CEP112: variants seen among roughly 807,000 people sequenced by gnomAD.
CEP112 encodes the protein centrosomal protein 112, also known as centrosomal protein of 112 kDa.
CEP112 carries 127 observed loss-of-function variants against 153.0 expected under a neutral mutation model. The ratio of observed to expected loss-of-function variants is 0.83; its 90% CI spans 0.72 to 0.96. The LOEUF (loss-of-function observed/expected upper bound fraction) is 0.96, where lower values mean the gene tolerates loss of function less well. Among genes scored for constraint, CEP112 ranks in the 40% least tolerant of loss-of-function variants. CEP112 has a pLI of 0.00. For synonymous variants in CEP112, 358 were observed against 374.4 expected, an observed-to-expected ratio of 0.96 and a Z score of 0.51; for missense variants, 1,089 against 1,101.2, an observed-to-expected ratio of 0.99 and a Z score of 0.16.
At chr17:65,924,679 C>A (rs2060857751) in intron 19 of CEP112, among the ~76,000 whole-genome samples, 1 of 152,140 alleles carries the variant, frequency 6.6e-6, no homozygotes, top group Admixed American at 6.5e-5. Flanking sequence ...CCTACCTCTA[C>A]AAAATATGCT....
Position 65,773,826 on chromosome 17 carries a change from T to C in CEP112, c.2395-23102A>G, listed in dbSNP as rs111306777. 7.3e-3 allele frequency among the ~76,000 whole-genome samples: 1,113 copies of C among 152,288 alleles called. 15 individuals are homozygous for C. Among genetic ancestry groups the C allele is most frequent in the African/African-American group, 0.025 (1,050 of 41,550 alleles). On this transcript the variant is annotated intron_variant, in intron 21 of 26. Coordinates refer to ENST00000535342, the MANE Select transcript of CEP112 (RefSeq NM_001199165.4). ...GAGGTTGGGCACAGTAGCTCACGAC[T>C]GTAATCCCAGTGCTTTGGGAGGACG...
intron 8 of CEP112, among the ~76,000 whole-genome samples, chr17:66,091,706 T>C (rs922232618): frequency 1.3e-5 from 2 of 151,952 alleles, no homozygotes; most frequent in South Asian, 2.1e-4. Context: ...AAATGAAATA[T>C]AGACTAGAAA....
intron 4 of CEP112, among the ~76,000 whole-genome samples, chr17:66,168,409 ATG>A (rs369199902): frequency 0.18 from 27,071 of 146,842 alleles, 2,633 homozygotes; most frequent in Non-Finnish European, 0.23. Flanking sequence ...ATATGTGTAT[ATG>A]TGTGTGTGTG....
intron 20 of CEP112, among the ~76,000 whole-genome samples, chr17:65,865,513 C>T (rs76442161): frequency 0.055 from 8,332 of 152,274 alleles, 288 homozygotes; most frequent in African/African-American, 0.089. Context: ...CCAAGGCAAC[C>T]TAGTGCACCA....
chr17:65,842,160 ATTT>A (rs2057543967), intron 21 of CEP112, among the ~76,000 whole-genome samples: 1 of 152,088 alleles, frequency 6.6e-6, no homozygotes, highest in African/African-American at 2.4e-5. Context: ...CAGAACTCCA[ATTT>A]TTAATGGTTC....
At chr17:66,183,442 T>C (rs1598515039) in intron 1 of CEP112, 135 bp from the exon 2 acceptor site, 2 of 529,738 alleles carry the variant, frequency 3.8e-6, no homozygotes, top group African/African-American at 1.9e-5. Flanking sequence ...TTAATGCAAC[T>C]CCCATCAAAA....
At chr17:65,767,049 C>CT (rs1182228111) in intron 21 of CEP112, among the ~76,000 whole-genome samples, 4 of 151,968 alleles carry the variant, frequency 2.6e-5, no homozygotes, top group Non-Finnish European at 5.9e-5. Context: ...ACAAAATGGG[C>CT]TATATATAAC....
At chr17:65,677,837 C>T (rs752202074) in intron 24 of CEP112, among the ~76,000 whole-genome samples, 5 of 152,054 alleles carry the variant, frequency 3.3e-5, no homozygotes, top group Non-Finnish European at 5.9e-5. Context: ...AGCTTGAACC[C>T]GGGAGGCAGA....
chr17:66,018,144 C>T (rs1333865878), intron 16 of CEP112, among the ~76,000 whole-genome samples: 1 of 152,060 alleles, frequency 6.6e-6, no homozygotes, highest in Non-Finnish European at 1.5e-5. Flanking sequence ...ATCCTTTCCC[C>T]ACTTTAAATT....
At chr17:65,649,599 G>T (rs1013345322) in intron 24 of CEP112, among the ~76,000 whole-genome samples, 2 of 151,512 alleles carry the variant, frequency 1.3e-5, no homozygotes, top group African/African-American at 4.9e-5. Context: ...TGCATCTGCG[G>T]TCCCAGCTAC....
intron 17 of CEP112, among the ~76,000 whole-genome samples, chr17:65,965,229 G>A (rs1359190455): frequency 6.6e-6 from 1 of 152,168 alleles, no homozygotes; most frequent in African/African-American, 2.4e-5. Flanking sequence ...CTATCCGTCA[G>A]ATAATTAGAG....
intron 24 of CEP112, among the ~76,000 whole-genome samples, chr17:65,668,989 T>C (rs1318461017): frequency 6.6e-6 from 1 of 152,202 alleles, no homozygotes; most frequent in African/African-American, 2.4e-5. Context: ...AAATCTCTAA[T>C]GTGTGACAAT....
At chr17:65,845,435 C>T (rs1367894010) in intron 21 of CEP112, among the ~76,000 whole-genome samples, 1 of 152,146 alleles carries the variant, frequency 6.6e-6, no homozygotes, top group Non-Finnish European at 1.5e-5. Context: ...TAGTATAATG[C>T]TTTAAAAAGC....
At chr17:65,658,441 T>C (rs749936556) in intron 24 of CEP112, among the ~76,000 whole-genome samples, 15 of 152,070 alleles carry the variant, frequency 9.9e-5, no homozygotes, top group Non-Finnish European at 2.1e-4. Context: ...AAGCAAGAGA[T>C]GAGTTGTATG....
chr17:65,873,273 C>T (rs1320253623), intron 20 of CEP112, among the ~76,000 whole-genome samples: 1 of 152,178 alleles, frequency 6.6e-6, no homozygotes, highest in African/African-American at 2.4e-5. Context: ...GATTTCTTAC[C>T]TTACACTTGT....
At chr17:65,721,302 G>A (rs966185949) in intron 23 of CEP112, among the ~76,000 whole-genome samples, 4 of 152,086 alleles carry the variant, frequency 2.6e-5, no homozygotes, top group African/African-American at 9.7e-5. Flanking sequence ...GAGCCACCGC[G>A]CCCAGGCTTT....
intron 17 of CEP112, among the ~76,000 whole-genome samples, chr17:65,962,055 G>C (rs1369400713): frequency 6.6e-6 from 1 of 152,170 alleles, no homozygotes; most frequent in African/African-American, 2.4e-5. Context: ...TTCCAGAATA[G>C]GTAAATCCAT....
At chr17:66,173,693 G>T (rs138472797) in intron 4 of CEP112, among the ~76,000 whole-genome samples, 5,190 of 152,252 alleles carry the variant, frequency 0.034, 131 homozygotes, top group Middle Eastern at 0.061. Context: ...CATATAAAAA[G>T]ATTGCTTCAA....
chr17:66,162,459 T>C (rs1043592373), intron 4 of CEP112, among the ~76,000 whole-genome samples: 1 of 152,176 alleles, frequency 6.6e-6, no homozygotes, highest in Non-Finnish European at 1.5e-5. Context: ...CTCAAAAAAA[T>C]GTGTATACTT....
Sources: gnomAD v4.1 joint callset for allele counts (sites outside exome capture counted in the v4.1 genomes callset) on GRCh38, gnomAD v4.1.1 for gene constraint, MANE v1.5 for transcripts, NCBI Gene and HGNC (gene_info 2026-07-23, HGNC 2026-07-21) for gene names.